The following LCMT1 variants were observed in gnomAD, a reference collection of about 807,000 sequenced individuals.
LCMT1 encodes the protein leucine carboxyl methyltransferase 1.
In LCMT1, 32 loss-of-function variants were observed where a neutral mutation model predicts 47.7. The observed-to-expected ratio is 0.67, with a 90% CI of 0.51 to 0.90. The LOEUF (loss-of-function observed/expected upper bound fraction) is 0.90. LCMT1 is among the 40% of genes least tolerant of loss of function. The pLI is 0.00. For missense variants in LCMT1, 375 were observed against 415.2 expected, an observed-to-expected ratio of 0.90 and a Z score of 0.84; for synonymous variants, 152 against 149.7, an observed-to-expected ratio of 1.02 and a Z score of -0.11.
At chr16:25,126,432 A>C (rs1254318636) in intron 1 of LCMT1, among the ~76,000 whole-genome samples, 3 of 152,242 alleles carry the variant, frequency 2.0e-5, no homozygotes, top group Non-Finnish European at 4.4e-5. Flanking sequence ...TGCCTTTTGG[A>C]CACCTGACTC....
intron 6 of LCMT1, among the ~76,000 whole-genome samples, chr16:25,162,616 AAAAG>A (rs963016854): frequency 1.3e-5 from 2 of 151,986 alleles, no homozygotes; most frequent in African/African-American, 2.4e-5. Flanking sequence ...AAAGAAAAGA[AAAAG>A]AAAAATGTGA....
chr16:25,170,767 G>A lies in LCMT1; in HGVS notation c.846G>A (p.Met282Ile), dbSNP rs759599120. The part of the protein sequence containing the change: ...GWETASAVDM[M>I]ELYNRLPRAE... ...AAACAGCATCGGCCGTCGACATGAT[G>A]GAGTTGTACAACAGGTTACCTCGAG... is the stretch of plus-strand genomic sequence containing the variant. Residue 282 changes from methionine (M) to isoleucine (I), a missense_variant, in exon 9 of 11, where the codon ATG becomes ATA. Transcript: ENST00000399069. 1.6e-5 allele frequency: 26 copies of A among 1,613,488 alleles called. No homozygotes were observed. Among genetic ancestry groups the A allele is most frequent in the Non-Finnish European group, 2.0e-5 (24 of 1,179,558 alleles).
intron 1 of LCMT1, among the ~76,000 whole-genome samples, chr16:25,115,995 A>G (rs1191546777): frequency 6.6e-6 from 1 of 152,152 alleles, no homozygotes; most frequent in Non-Finnish European, 1.5e-5. Flanking sequence ...AAGAAATGTA[A>G]TCATCCTTTT....
At chr16:25,134,522 C>T (rs1191993194) in intron 3 of LCMT1, among the ~76,000 whole-genome samples, 1 of 152,202 alleles carries the variant, frequency 6.6e-6, no homozygotes, top group Non-Finnish European at 1.5e-5. Flanking sequence ...CTTCCTCTTT[C>T]CCCTGCACAC....
At chr16:25,163,362 G>A (rs140865146) in intron 6 of LCMT1, among the ~76,000 whole-genome samples, 74 of 151,810 alleles carry the variant, frequency 4.9e-4, no homozygotes, top group African/African-American at 1.4e-3. Flanking sequence ...CCAGCTACTC[G>A]GGAGGCCAAG....
intron 6 of LCMT1, 21 bp downstream of exon 6, chr16:25,161,225 C>G: frequency 7.4e-7 from 1 of 1,342,788 alleles, no homozygotes; most frequent in Middle Eastern, 1.8e-4. Context: ...TTTTTTTAAA[C>G]CTCTTCTGCA....
chr16:25,149,463 A>G (rs951860705), intron 4 of LCMT1, among the ~76,000 whole-genome samples: 1 of 152,218 alleles, frequency 6.6e-6, no homozygotes, highest in Non-Finnish European at 1.5e-5. Context: ...CTGGTTAAAC[A>G]TGAAGAAGGA....
At chr16:25,147,748 A>G (rs759963201) in intron 4 of LCMT1, 4 of 151,922 alleles carry the variant, frequency 2.6e-5, no homozygotes, top group Non-Finnish European at 4.4e-5. Flanking sequence ...TTGGAGTGCT[A>G]TGGTATTACC....
At chr16:25,126,765 G>A (rs1412108720) in intron 1 of LCMT1, among the ~76,000 whole-genome samples, 3 of 152,230 alleles carry the variant, frequency 2.0e-5, no homozygotes, top group African/African-American at 4.8e-5. Context: ...GAGCTGCTTA[G>A]CAGCGGGGCG....
intron 1 of LCMT1, among the ~76,000 whole-genome samples, chr16:25,112,949 T>C (rs1048393240): frequency 2.0e-5 from 3 of 151,998 alleles, no homozygotes; most frequent in African/African-American, 7.3e-5. Context: ...GAGACCATCC[T>C]GGCCAACATG....
intron 7 of LCMT1, among the ~76,000 whole-genome samples, chr16:25,166,171 G>A (rs1414656280): frequency 6.6e-6 from 1 of 151,556 alleles, no homozygotes; most frequent in Non-Finnish European, 1.5e-5. Flanking sequence ...TTGGGAGGCT[G>A]AGGCAGGAGA....
chr16:25,132,710 A>T (rs934515900), intron 3 of LCMT1, among the ~76,000 whole-genome samples, 187 bp downstream of exon 3: 5 of 151,972 alleles, frequency 3.3e-5, no homozygotes, highest in African/African-American at 1.2e-4. Context: ...CCCTGGTGAC[A>T]GATATTTTAG....
At chr16:25,116,162 G>A (rs1420002182) in intron 1 of LCMT1, among the ~76,000 whole-genome samples, 1 of 152,158 alleles carries the variant, frequency 6.6e-6, no homozygotes, top group Non-Finnish European at 1.5e-5. Context: ...TTAGGATATG[G>A]GCTTTGGCTG....
At chr16:25,123,875 C>G (rs1004250715) in intron 1 of LCMT1, among the ~76,000 whole-genome samples, 16 of 152,124 alleles carry the variant, frequency 1.1e-4, no homozygotes, top group African/African-American at 3.9e-4. Context: ...TCCCAAAATG[C>G]TGGGATCACA....
intron 5 of LCMT1, among the ~76,000 whole-genome samples, chr16:25,157,645 T>G (rs1429330200): frequency 3.9e-5 from 6 of 152,266 alleles, no homozygotes; most frequent in Admixed American, 3.9e-4. Context: ...GCTTCTGCGC[T>G]GTAACAAACT....
chr16:25,151,692 G>GT, intron 5 of LCMT1, 77 bp downstream of exon 5: 2 of 620,198 alleles, frequency 3.2e-6, no homozygotes, highest in South Asian at 1.9e-5. Flanking sequence ...TGGGGTTTGT[G>GT]TTGGGTGTGT....
At chr16:25,160,799 C>G (rs1191016472) in intron 5 of LCMT1, 1 of 564,898 alleles carries the variant, frequency 1.8e-6, no homozygotes, top group Non-Finnish European at 3.4e-6. Context: ...TTGGGTGGTC[C>G]CATTTTCTTT....
chr16:25,162,678 A>G (rs277900), intron 6 of LCMT1, among the ~76,000 whole-genome samples: 102,178 of 151,938 alleles, frequency 0.67, 34,810 homozygotes, highest in Non-Finnish European at 0.74. Flanking sequence ...GCAGTTGAAG[A>G]TGCTGAAATC....
chr16:25,154,455 T>G (rs576525845), intron 5 of LCMT1, among the ~76,000 whole-genome samples: 1 of 151,902 alleles, frequency 6.6e-6, no homozygotes, highest in South Asian at 2.1e-4. Flanking sequence ...TCCTTTTCAG[T>G]TTATAGGAAC....
Sources: gnomAD v4.1 joint callset for allele counts (sites outside exome capture counted in the v4.1 genomes callset) on GRCh38, gnomAD v4.1.1 for gene constraint, MANE v1.5 for transcripts, NCBI Gene and HGNC (gene_info 2026-07-23, HGNC 2026-07-21) for gene names.